Variants in BLOC1S3 observed in about 807,000 individuals in gnomAD.
BLOC1S3 encodes the protein biogenesis of lysosome-related organelles complex 1 subunit 3.
BLOC1S3 carries 7 observed loss-of-function variants against 9.1 expected under a neutral mutation model. The ratio of observed to expected loss-of-function variants is 0.77; its 90% CI spans 0.44 to 1.45. The LOEUF (loss-of-function observed/expected upper bound fraction) is 1.45. Ranked by LOEUF, BLOC1S3 falls within the 40% of genes most tolerant of loss-of-function variation. BLOC1S3 has a pLI of 0.01. For missense variants in BLOC1S3, 307 were observed against 315.2 expected, an observed-to-expected ratio of 0.97 and a Z score of 0.20; for synonymous variants, 145 against 158.4, an observed-to-expected ratio of 0.92 and a Z score of 0.64.
rs1555752038 is a variant in BLOC1S3, at chr19:45,180,235, A to AATTTTTTTTTTTTTTTTTTTTTTTTTTT, written c.*330_*331insATTTTTTTTTTTTTTTTTTTTTTTTTTT. The AATTTTTTTTTTTTTTTTTTTTTTTTTTT allele has an allele frequency of 2.2e-5, 2 of 90,224 alleles. No individual in the cohort carries two copies. The highest frequency in any genetic ancestry group is 1.1e-4 in the African/African-American group (2 of 17,848). The allele number at this position is 90,224 out of a possible 1,614,324, so 5.6% of individuals were successfully genotyped here. The stretch of plus-strand genomic sequence containing the variant: ...CTGTTTCCACCCTGGGGGCTCACCA[A>AATTTTTTTTTTTTTTTTTTTTTTTTTTT]TTTTTTTTTTTTTTTTTTTTTTTTG... On this transcript the variant is annotated 3_prime_UTR_variant, in exon 2 of 2. Coordinates refer to ENST00000433642, the MANE Select transcript of BLOC1S3 (RefSeq NM_212550.5).
chr19:45,206,611 A>G (rs1969729373), intron 3 of BLOC1S3, among the ~76,000 whole-genome samples: 3 of 137,552 alleles, frequency 2.2e-5, no homozygotes. Context: ...GTGTGCCCCC[A>G]CACCTAGTTA....
intron 1 of BLOC1S3, chr19:45,187,553 G>C (rs1969574324): frequency 6.6e-6 from 1 of 152,304 alleles, no homozygotes; most frequent in Non-Finnish European, 1.5e-5. Flanking sequence ...CCTTGGGACT[G>C]TTGGGGTGAC....
intron 2 of BLOC1S3, among the ~76,000 whole-genome samples, chr19:45,190,632 G>A (rs555006022): frequency 2.0e-5 from 3 of 151,314 alleles, no homozygotes; most frequent in African/African-American, 4.8e-5. Flanking sequence ...GAACTCTTGA[G>A]CTCAAGTGAT....
At chr19:45,213,490 C>G (rs1295733992) in intron 3 of BLOC1S3, 1 of 1,003,328 alleles carries the variant, frequency 1.0e-6, no homozygotes, top group Non-Finnish European at 1.4e-6. Context: ...TGTGTCCCCT[C>G]CAGAGCCTTC....
chr19:45,210,817 CTTA>C (rs1230810064), intron 3 of BLOC1S3, among the ~76,000 whole-genome samples: 2 of 151,970 alleles, frequency 1.3e-5, no homozygotes, highest in African/African-American at 4.8e-5. Flanking sequence ...AACTGAGGCT[CTTA>C]TATGTTTAAT....
intron 3 of BLOC1S3, among the ~76,000 whole-genome samples, chr19:45,210,694 C>T (rs1321906066): frequency 6.6e-6 from 1 of 152,072 alleles, no homozygotes; most frequent in Non-Finnish European, 1.5e-5. Flanking sequence ...ACCTTGAACA[C>T]CTGGCTTCAG....
Position 45,179,814 on chromosome 19 carries a change from G to T in BLOC1S3, c.518G>T (p.Arg173Leu). 6.2e-7 allele frequency: 1 copy of T among 1,606,958 alleles called. No homozygotes were observed. Among genetic ancestry groups the T allele is most frequent in the Non-Finnish European group, 8.5e-7 (1 of 1,177,992 alleles). The change falls in exon 2 of 2, where the codon CGT becomes CTT. Residue 173 changes from arginine to leucine, a missense_variant. Transcript: ENST00000433642. The surrounding 1 kb of genome is among the most constrained non-coding windows in gnomAD (Gnocchi z 4.6). ...GGGGACCTTTGTGCGCTGGCCGAGCGTCTGGACATCGTGGCTGGCTGCCGC... is the reference window on the plus strand; with the variant it reads ...GGGGACCTTTGTGCGCTGGCCGAGCTTCTGGACATCGTGGCTGGCTGCCGC... ...ARGDLCALAE[R>L]LDIVAGCRLL...
chr19:45,200,927 C>T (rs1969686188), intron 2 of BLOC1S3, among the ~76,000 whole-genome samples: 2 of 152,170 alleles, frequency 1.3e-5, no homozygotes, highest in Non-Finnish European at 2.9e-5. Flanking sequence ...GCTGGCCAGG[C>T]GCAGTGGCTC....
In BLOC1S3 at chr19:45,210,541, C is replaced by T. The variant is rs62118502; in HGVS notation, n.283-6135C>T. 8.1e-3 allele frequency among the ~76,000 whole-genome samples: 1,229 copies of T among 151,598 alleles called. 15 individuals carry two copies. Among genetic ancestry groups the T allele is most frequent in the African/African-American group, 0.028 (1,156 of 41,396 alleles). On this transcript the variant is annotated intron_variant and non_coding_transcript_variant, in intron 3 of 3. Transcript: ENST00000591569. ...CTCGAACTCCTGACCTCACATGATC[C>T]GCCCACCTCGGCCTCCCAAAGCGCT...
In BLOC1S3 at chr19:45,180,084, T is replaced by A; in HGVS notation, c.*179T>A. On this transcript the variant is annotated 3_prime_UTR_variant, in exon 2 of 2. Transcript: ENST00000433642. Reference sequence around the variant, plus strand: ...TTTATATTGGATATAGTTCAACCCCTACTGCGGAGACCAGGGCCCCACTAT... The same window carrying A: ...TTTATATTGGATATAGTTCAACCCCAACTGCGGAGACCAGGGCCCCACTAT... 1 of 642,836 alleles carries A rather than the reference T, an allele frequency of 1.6e-6. No homozygotes were observed. The highest frequency in any genetic ancestry group is 2.5e-6 in the Non-Finnish European group (1 of 392,550). 39.8% of individuals were successfully genotyped at this position (642,836 alleles called of 1,614,324 possible).
intron 2 of BLOC1S3, among the ~76,000 whole-genome samples, chr19:45,190,114 G>C (rs1461581281): frequency 6.6e-6 from 1 of 151,446 alleles, no homozygotes; most frequent in African/African-American, 2.4e-5. Flanking sequence ...GCCTCCCAAA[G>C]TACTGGGATT....
intron 2 of BLOC1S3, among the ~76,000 whole-genome samples, chr19:45,192,979 C>A (rs1969617529): frequency 6.6e-6 from 1 of 151,322 alleles, no homozygotes; most frequent in African/African-American, 2.4e-5. Context: ...ACTAAACATA[C>A]AAAATTAGCC....
intron 3 of BLOC1S3, among the ~76,000 whole-genome samples, chr19:45,203,231 T>C (rs533877048): frequency 1.6e-4 from 24 of 151,640 alleles, no homozygotes; most frequent in African/African-American, 5.6e-4. Flanking sequence ...TGCCCAGAAA[T>C]TGCAGTCCTT....
downstream of BLOC1S3, among the ~76,000 whole-genome samples, chr19:45,182,507 A>G (rs998582256): frequency 6.6e-6 from 1 of 152,024 alleles, no homozygotes; most frequent in Non-Finnish European, 1.5e-5. Context: ...ATCTCCACTA[A>G]AAATACATTA....
Position 45,179,438 on chromosome 19 carries a change from C to T in BLOC1S3, c.142C>T (p.Arg48Cys), listed in dbSNP as rs1467433509. 1.3e-6 allele frequency: 2 copies of T among 1,525,928 alleles called. No homozygotes were observed. The highest frequency in any genetic ancestry group is 2.5e-5 in the East Asian group (1 of 40,396). 94.5% of individuals were successfully genotyped at this position (1,525,928 alleles called of 1,614,324 possible). A position where few individuals can be genotyped will look rare whatever the true frequency, so the allele number is the denominator to read the frequency against. ...GTACCTGGGTCCTTCGGGCCCGACG[C>T]GCGGCCGCCCCACGGGGCTGCGGGT... Reference protein sequence around the residue: ...ELYLGPSGPTRGRPTGLRVAG... With the variant: ...ELYLGPSGPTCGRPTGLRVAG... Residue 48 changes from arginine to cysteine, a missense_variant, in exon 2 of 2, where the codon CGC becomes TGC. Transcript: ENST00000433642. This position sits in a 1 kb window ranked among gnomAD's most constrained non-coding sequence, Gnocchi z 4.6.
At chr19:45,199,309 C>CTTTT (rs34967306) in intron 2 of BLOC1S3, among the ~76,000 whole-genome samples, 103 of 72,458 alleles carry the variant, frequency 1.4e-3, no homozygotes, top group Middle Eastern at 0.012. Context: ...GTGCCTTATT[C>CTTTT]TTTTTTTTTT....
At position 45,180,127 on chromosome 19, in the gene BLOC1S3, CTCCCGA is replaced by C. The variant is rs1478355408; in HGVS notation, c.*226_*231del. The C allele has an allele frequency of 3.1e-5, 15 of 489,290 alleles. No individual in the cohort carries two copies. Among genetic ancestry groups the C allele is most frequent in the Non-Finnish European group, 4.3e-5 (12 of 276,968 alleles). 30.3% of individuals were successfully genotyped at this position (489,290 alleles called of 1,614,324 possible). A position where few individuals can be genotyped will look rare whatever the true frequency, so the allele number is the denominator to read the frequency against. On this transcript the variant is annotated 3_prime_UTR_variant, in exon 2 of 2. Transcript: ENST00000433642. ...CCCACTATCCTTAGATCTGGTTCCT[CTCCCGA>C]TCCTGACCCTGCCGCCTGGTTCTGA... is the stretch of plus-strand genomic sequence containing the variant.
intron 3 of BLOC1S3, chr19:45,216,030 T>G: frequency 6.2e-7 from 1 of 1,607,182 alleles, no homozygotes. Context: ...CCAGGAGACC[T>G]CGGCCAGGCA....
At chr19:45,200,979 A>C (rs1211811295) in intron 2 of BLOC1S3, among the ~76,000 whole-genome samples, 1 of 152,132 alleles carries the variant, frequency 6.6e-6, no homozygotes. Context: ...AGGCAGGCGG[A>C]TCATCTGAGG....
Sources: allele counts gnomAD v4.1 joint callset (sites outside exome capture counted in the v4.1 genomes callset), GRCh38; gene constraint gnomAD v4.1.1; non-coding constraint Gnocchi (gnomAD v3.1); transcripts MANE v1.5; gene names NCBI Gene and HGNC (gene_info 2026-07-23, HGNC 2026-07-21).